The following SLC35F5 variants were observed in gnomAD, a reference collection of about 807,000 sequenced individuals.
The protein encoded by SLC35F5 is solute carrier family 35 member F5.
Under a neutral mutation model 68.6 loss-of-function variants are expected in SLC35F5, and 54 were observed. The ratio of observed to expected loss-of-function variants is 0.79; its 90% CI spans 0.63 to 0.99. The LOEUF is 0.99. Among genes scored for constraint, SLC35F5 ranks in the 50% least tolerant of loss-of-function variants. The probability of loss-of-function intolerance (pLI) is 0.00; values close to 1 mark genes in which losing one functional copy is unlikely to be tolerated. For missense variants in SLC35F5, 567 were observed against 626.9 expected, an observed-to-expected ratio of 0.90 and a Z score of 1.02; for synonymous variants, 211 against 205.2, an observed-to-expected ratio of 1.03 and a Z score of -0.24.
downstream of SLC35F5, chr2:113,704,868 G>C (rs943140003): frequency 6.5e-6 from 1 of 152,900 alleles, no homozygotes; most frequent in African/African-American, 2.4e-5. Flanking sequence ...GCAGCGGCGG[G>C]CTGAAGGGCT....
At chr2:113,718,791 T>C (rs769026054) in intron 14 of SLC35F5, among the ~76,000 whole-genome samples, 1 of 141,874 alleles carries the variant, frequency 7.0e-6, no homozygotes, top group Non-Finnish European at 1.5e-5. Flanking sequence ...CAAGACTCTG[T>C]CAAGAAAGAG....
At position 113,713,050 on chromosome 2, in the gene SLC35F5, T is replaced by G. The variant is rs1687047154; in HGVS notation, c.*2168A>C. 6.6e-6 allele frequency: 1 copy of G among 152,180 alleles called. No individual in the cohort carries two copies. The highest frequency in any genetic ancestry group is 2.4e-5 in the African/African-American group (1 of 41,424). The allele number at this position is 152,180 out of a possible 1,614,324, so 9.4% of individuals were successfully genotyped here. On this transcript the variant is annotated 3_prime_UTR_variant, in exon 16 of 16. Transcript: ENST00000245680. ...TAACTATGAAGGTGCAGAAAGGAAG[T>G]CTTCAACTGCTCACTCACCATGGCT...
intron 9 of SLC35F5, 40 bp from the exon 10 acceptor site, chr2:113,731,688 C>A (rs1687900514): frequency 6.8e-7 from 1 of 1,467,830 alleles, no homozygotes; most frequent in Admixed American, 1.7e-5. Flanking sequence ...CTAAAGAATT[C>A]TGAAAAGCCT....
intron 7 of SLC35F5, among the ~76,000 whole-genome samples, chr2:113,737,655 GTAAA>G (rs1290620674): frequency 6.6e-6 from 1 of 152,136 alleles, no homozygotes; most frequent in Non-Finnish European, 1.5e-5. Context: ...CTAATGCAAG[GTAAA>G]TAAATAAAAA....
chr2:113,740,614 C>A (rs1257909960), intron 7 of SLC35F5, among the ~76,000 whole-genome samples: 2 of 152,086 alleles, frequency 1.3e-5, no homozygotes, highest in East Asian at 1.9e-4. Flanking sequence ...CCCCATCCAT[C>A]CACAGGATTT....
In SLC35F5 at chr2:113,709,912, A is replaced by G. The variant is rs1408036618; in HGVS notation, c.*5306T>C. On this transcript the variant is annotated 3_prime_UTR_variant, in exon 16 of 16. Transcript: ENST00000245680. ...CTGCAGCCTCGAACTCCTGGGTTCA[A>G]GTGATCCTCCTGCCTCAGACTCCCA... Among the ~76,000 whole-genome samples, 1 of 152,152 alleles carries G rather than the reference A, an allele frequency of 6.6e-6. No individual in the cohort carries two copies. Among genetic ancestry groups the G allele is most frequent in the African/African-American group, 2.4e-5 (1 of 41,442 alleles).
intron 9 of SLC35F5, among the ~76,000 whole-genome samples, chr2:113,733,947 A>T (rs1687990543): frequency 6.6e-6 from 1 of 152,232 alleles, no homozygotes; most frequent in Non-Finnish European, 1.5e-5. Context: ...ATCTTTTTTC[A>T]ATACTGTCTA....
In SLC35F5 at chr2:113,713,130, A is replaced by C. The variant is rs1687049923; in HGVS notation, c.*2088T>G. 6.6e-6 allele frequency: 1 copy of C among 152,226 alleles called. No individual in the cohort carries two copies. Among genetic ancestry groups the C allele is most frequent in the Non-Finnish European group, 1.5e-5 (1 of 68,046 alleles). 9.4% of individuals were successfully genotyped at this position (152,226 alleles called of 1,614,324 possible). On this transcript the variant is annotated 3_prime_UTR_variant, in exon 16 of 16. Transcript: ENST00000245680. The stretch of plus-strand genomic sequence containing the variant: ...TAAATAAAACCTGTGAGAAAAAGCA[A>C]ACAGGTGGGCAAGCAAAGCGGCAGT...
chr2:113,730,432 C>T (rs1687837139), intron 10 of SLC35F5, among the ~76,000 whole-genome samples: 1 of 152,158 alleles, frequency 6.6e-6, no homozygotes, highest in Admixed American at 6.5e-5. Flanking sequence ...TACACATGCA[C>T]ATACCAAATA....
chr2:113,734,646 A>G lies in SLC35F5; in HGVS notation c.860T>C (p.Val287Ala). ...SGLFTLILAA[V>A]FPSNSGDRFT... ...TCTATCTCCACTGTTACTTGGAAAT[A>G]CTGCAGCAAGGATTAAGGTAAAAAG... is the stretch of plus-strand genomic sequence containing the variant. The change falls in exon 9 of 16, where the codon GTA becomes GCA. Residue 287 changes from valine (V) to alanine (A), a missense_variant. Transcript: ENST00000245680. The G allele has an allele frequency of 6.2e-7, 1 of 1,606,170 alleles. No homozygotes were observed. Among genetic ancestry groups the G allele is most frequent in the African/African-American group, 1.3e-5 (1 of 74,798 alleles).
At chr2:113,755,862 T>C in intron 1 of SLC35F5, 3 of 1,550,566 alleles carry the variant, frequency 1.9e-6, no homozygotes, top group South Asian at 1.2e-5. Context: ...CACCTCTCCA[T>C]CCAGAGGAAT....
downstream of SLC35F5, among the ~76,000 whole-genome samples, chr2:113,704,765 CCT>C (rs1260624065): frequency 1.2e-4 from 18 of 152,232 alleles, no homozygotes; most frequent in African/African-American, 1.7e-4. Flanking sequence ...GCGCGCAGCC[CCT>C]GTTCCCGCCC....
chr2:113,704,025 G>C (rs1686746981), downstream of SLC35F5: 1 of 152,510 alleles, frequency 6.6e-6, no homozygotes, highest in Admixed American at 6.5e-5. Context: ...TGGTCTCGCC[G>C]GCTCAGGAGT....
At chr2:113,718,303 G>T (rs377609078) in intron 14 of SLC35F5, among the ~76,000 whole-genome samples, 1 of 151,844 alleles carries the variant, frequency 6.6e-6, no homozygotes. Context: ...GCCCAGGCTG[G>T]TCTTGAGCTC....
chr2:113,740,286 A>G (rs1292438818), intron 7 of SLC35F5, among the ~76,000 whole-genome samples: 1 of 152,168 alleles, frequency 6.6e-6, no homozygotes, highest in African/African-American at 2.4e-5. Context: ...TGAGCACACA[A>G]CTCATCCGTA....
chr2:113,722,845 A>T (rs1024695913), intron 13 of SLC35F5, among the ~76,000 whole-genome samples: 1 of 152,254 alleles, frequency 6.6e-6, no homozygotes, highest in Non-Finnish European at 1.5e-5. Context: ...GAACAGAATC[A>T]GCTCAAAAAC....
chr2:113,749,474 G>A (rs1412608143), intron 4 of SLC35F5, among the ~76,000 whole-genome samples: 1 of 152,106 alleles, frequency 6.6e-6, no homozygotes, highest in East Asian at 1.9e-4. Flanking sequence ...ACTCCAGCCT[G>A]GGCAACAAAG....
intron 10 of SLC35F5, 70 bp downstream of exon 10, chr2:113,731,514 G>T: frequency 8.1e-7 from 1 of 1,227,264 alleles, no homozygotes; most frequent in Non-Finnish European, 1.2e-6. Context: ...GCGTTCATCT[G>T]TGCACATGAG....
intron 12 of SLC35F5, among the ~76,000 whole-genome samples, chr2:113,724,234 G>A (rs1687571573): frequency 6.6e-6 from 1 of 152,150 alleles, no homozygotes; most frequent in Non-Finnish European, 1.5e-5. Context: ...ATCATGCAGA[G>A]TACTATAATA....
Sources: allele counts gnomAD v4.1 joint callset (sites outside exome capture counted in the v4.1 genomes callset), GRCh38; gene constraint gnomAD v4.1.1; transcripts MANE v1.5; gene names NCBI Gene and HGNC (gene_info 2026-07-23, HGNC 2026-07-21).